OTUD7A: variants seen among roughly 807,000 people sequenced by gnomAD.
OTUD7A encodes the protein OTU deubiquitinase 7A.
Under a neutral mutation model 65.7 loss-of-function variants are expected in OTUD7A, and 12 were observed. That is an observed-to-expected ratio of 0.18 (90% CI 0.12 to 0.30). OTUD7A has a LOEUF of 0.30. OTUD7A is among the 10% of genes least tolerant of loss of function. The probability of loss-of-function intolerance (pLI) is 1.00; values close to 1 mark genes in which losing one functional copy is unlikely to be tolerated. For synonymous variants in OTUD7A, 641 were observed against 586.3 expected (o/e 1.09, Z -1.35); for missense variants, 1,148 against 1,304.8 (o/e 0.88, Z 1.85).
At chr15:31,792,246 C>T (rs1033983912) in intron 1 of OTUD7A, among the ~76,000 whole-genome samples, 1 of 152,184 alleles carries the variant, frequency 6.6e-6, no homozygotes, top group Admixed American at 6.5e-5. Context: ...GAATGTGTCT[C>T]CTGACTGACA....
At chr15:31,846,680 C>T (rs1479012706) in intron 1 of OTUD7A, among the ~76,000 whole-genome samples, 1 of 152,220 alleles carries the variant, frequency 6.6e-6, no homozygotes, top group Non-Finnish European at 1.5e-5. Context: ...CACAGTGTCA[C>T]ATGGCCACTG....
At chr15:31,766,582 T>C in intron 1 of OTUD7A, 1 of 1,613,144 alleles carries the variant, frequency 6.2e-7, no homozygotes, top group Non-Finnish European at 8.5e-7. Context: ...TTTGGTTTCA[T>C]GGTAATTTCA....
Position 31,484,657 on chromosome 15 carries a change from G to T in OTUD7A, c.1439C>A (p.Ser480Ter). The T allele has an allele frequency of 6.3e-7, 1 of 1,582,792 alleles. No individual in the cohort carries two copies. ...CACCGAATCGCGGTCCGAGTCCAGC[G>T]AGTCGGCCAGGGACTGCACGTCCTC... ...AGEDVQSLADSLDSDRDSVCS... is the reference protein window; with the variant it reads ...AGEDVQSLAD Residue 480 changes from serine to a stop codon, truncating the protein, a stop_gained, in exon 13 of 13, where the codon TCG becomes TAG. Transcript: ENST00000307050. LOFTEE classifies it low-confidence loss of function (END_TRUNC). This position sits in a 1 kb window ranked among gnomAD's most constrained non-coding sequence, Gnocchi z 4.5.
At chr15:31,800,268 A>T (rs1231697884) in intron 1 of OTUD7A, among the ~76,000 whole-genome samples, 1 of 152,120 alleles carries the variant, frequency 6.6e-6, no homozygotes, top group East Asian at 1.9e-4. Flanking sequence ...CTAGACGCGC[A>T]GCATGTTTCT....
chr15:31,698,281 T>A (rs1276260380), intron 1 of OTUD7A, among the ~76,000 whole-genome samples: 1 of 152,214 alleles, frequency 6.6e-6, no homozygotes, highest in East Asian at 1.9e-4. Flanking sequence ...CTTGGTCCCT[T>A]TTATTTATGT....
At chr15:31,772,555 G>A (rs949493128) in intron 1 of OTUD7A, among the ~76,000 whole-genome samples, 2 of 152,134 alleles carry the variant, frequency 1.3e-5, no homozygotes, top group African/African-American at 2.4e-5. Flanking sequence ...TAGGTAGCTT[G>A]GTAAAATCCC....
chr15:31,764,136 AT>A (rs1017106061), intron 1 of OTUD7A, among the ~76,000 whole-genome samples: 4 of 152,152 alleles, frequency 2.6e-5, no homozygotes, highest in African/African-American at 4.8e-5. Context: ...TCTTCTCATA[AT>A]TTTTTTGTTA....
intron 1 of OTUD7A, among the ~76,000 whole-genome samples, chr15:31,727,412 C>T (rs1893921882): frequency 1.2e-5 from 1 of 81,702 alleles, no homozygotes; most frequent in Non-Finnish European, 2.9e-5. Flanking sequence ...TCTCTCCATC[C>T]ACCCTCCTTT....
Position 31,559,073 on chromosome 15 carries a change from T to C in OTUD7A, c.446A>G (p.Tyr149Cys), listed in dbSNP as rs147159299. The stretch of plus-strand genomic sequence containing the variant: ...GCTCAGGTCTGGCAACTGGAATGTG[T>C]AGATTGGCATCTCCAGGGGGAACTG... ...NEQFPLEMPIYTFQLPDLSVY... is the reference protein window; with the variant it reads ...NEQFPLEMPICTFQLPDLSVY... The change falls in exon 5 of 13, where the codon TAC (tyrosine) becomes TGC (cysteine). Residue 149 changes from tyrosine (Y) to cysteine (C), a missense_variant. Coordinates refer to ENST00000307050, the MANE Select transcript of OTUD7A (RefSeq NM_001382637.1). 3.1e-6 allele frequency: 5 copies of C among 1,614,168 alleles called. No homozygotes were observed. Among genetic ancestry groups the C allele is most frequent in the African/African-American group, 1.3e-5 (1 of 75,026 alleles).
At chr15:31,537,000 A>G (rs767151634) in intron 5 of OTUD7A, among the ~76,000 whole-genome samples, 18 of 152,236 alleles carry the variant, frequency 1.2e-4, no homozygotes, top group Admixed American at 4.6e-4. Context: ...TACACATTAT[A>G]TACATGTAAC....
chr15:31,751,914 G>A (rs1295242164), intron 1 of OTUD7A, among the ~76,000 whole-genome samples: 1 of 152,040 alleles, frequency 6.6e-6, no homozygotes, highest in Non-Finnish European at 1.5e-5. Flanking sequence ...GAGAGAGGGG[G>A]GCAAGGGCTG....
At chr15:31,598,364 G>C (rs776302409) in intron 3 of OTUD7A, among the ~76,000 whole-genome samples, 1 of 152,310 alleles carries the variant, frequency 6.6e-6, no homozygotes, top group East Asian at 1.9e-4. Context: ...AGCCGAAGCA[G>C]GGCAGGGCGT....
chr15:31,761,004 T>C (rs1475228927), intron 1 of OTUD7A, among the ~76,000 whole-genome samples: 1 of 152,150 alleles, frequency 6.6e-6, no homozygotes, highest in Admixed American at 6.5e-5. Flanking sequence ...CTATCCTTAC[T>C]TCACACTGTA....
intron 1 of OTUD7A, among the ~76,000 whole-genome samples, chr15:31,832,370 T>A (rs919661162): frequency 3.9e-5 from 6 of 152,014 alleles, no homozygotes; most frequent in African/African-American, 1.4e-4. Flanking sequence ...ACAGAAACAT[T>A]TACACGGGCA....
At chr15:31,825,887 C>T (rs1896786033) in intron 1 of OTUD7A, among the ~76,000 whole-genome samples, 1 of 152,234 alleles carries the variant, frequency 6.6e-6, no homozygotes. Context: ...AATCTTAAAG[C>T]TCCAAAATGA....
intron 1 of OTUD7A, among the ~76,000 whole-genome samples, chr15:31,836,398 T>C (rs1567047581): frequency 6.6e-6 from 1 of 152,234 alleles, no homozygotes. Flanking sequence ...GCACTTTTCA[T>C]GAACTTATAT....
chr15:31,486,107 C>T (rs1270145710), intron 12 of OTUD7A, among the ~76,000 whole-genome samples: 1 of 152,200 alleles, frequency 6.6e-6, no homozygotes, highest in Non-Finnish European at 1.5e-5. Flanking sequence ...GAGAGCCCTG[C>T]ATCTAACATG....
chr15:31,847,634 T>C lies in OTUD7A; in HGVS notation c.-100+22873A>G, dbSNP rs201104744. ...AAGAGCTCTGATAATGTCGTGACCATGAAAATCACTATTACCATGGATAAG... is the reference window on the plus strand; with the variant it reads ...AAGAGCTCTGATAATGTCGTGACCACGAAAATCACTATTACCATGGATAAG... On this transcript the variant is annotated intron_variant, in intron 1 of 12. Transcript: ENST00000307050. Among the ~76,000 whole-genome samples, 11 of 152,184 alleles carry C rather than the reference T, an allele frequency of 7.2e-5. No individual in the cohort carries two copies. The East Asian group carries it at 1.9e-3, about 27-fold the overall frequency.
chr15:31,579,902 C>T (rs1889321738), intron 3 of OTUD7A, among the ~76,000 whole-genome samples: 1 of 152,192 alleles, frequency 6.6e-6, no homozygotes, highest in South Asian at 2.1e-4. Flanking sequence ...TTACTTGGAG[C>T]CCAACGCATT....
Sources: gnomAD v4.1 joint callset for allele counts (sites outside exome capture counted in the v4.1 genomes callset) on GRCh38, gnomAD v4.1.1 for gene constraint, Gnocchi (gnomAD v3.1) non-coding constraint, MANE v1.5 for transcripts, NCBI Gene and HGNC (gene_info 2026-07-23, HGNC 2026-07-21) for gene names.